RIC8B: variants seen among roughly 807,000 people sequenced by gnomAD.
RIC8B encodes the protein RIC8 guanine nucleotide exchange factor B.
In RIC8B, 16 loss-of-function variants were observed where a neutral mutation model predicts 57.5. The ratio of observed to expected loss-of-function variants is 0.28; its 90% confidence interval spans 0.19 to 0.42. The LOEUF (loss-of-function observed/expected upper bound fraction) is 0.42, where lower values mean the gene tolerates loss of function less well. Among genes scored for constraint, RIC8B ranks in the 10% least tolerant of loss-of-function variants. The pLI is 1.00. For missense variants in RIC8B, 481 were observed against 677.0 expected (o/e 0.71, Z 3.21); for synonymous variants, 216 against 250.8 (o/e 0.86, Z 1.31).
intron 2 of RIC8B, among the ~76,000 whole-genome samples, chr12:106,789,930 A>G (rs939313218): frequency 9.5e-4 from 51 of 53,666 alleles, no homozygotes; most frequent in African/African-American, 4.2e-3. Flanking sequence ...AGTGCCCTTC[A>G]AAAAAAAAAA....
intron 2 of RIC8B, among the ~76,000 whole-genome samples, chr12:106,804,941 C>T (rs1035516932): frequency 3.9e-5 from 6 of 152,064 alleles, no homozygotes; most frequent in African/African-American, 1.2e-4. Flanking sequence ...GTTGGGAAGA[C>T]GTTTTGAATC....
chr12:106,792,935 C>T (rs974534095), intron 2 of RIC8B, among the ~76,000 whole-genome samples: 1 of 152,188 alleles, frequency 6.6e-6, no homozygotes, highest in African/African-American at 2.4e-5. Context: ...GGTTCCCTTT[C>T]CCTCTAGTCC....
chr12:106,784,050 C>A lies in RIC8B; in HGVS notation c.132+6C>A. On this transcript the variant is annotated splice_donor_region_variant and intron_variant, in intron 2 of 9. Transcript: ENST00000392837. Reference sequence around the variant, plus strand: ...CAGATGAAGATAAAAGAAAGGTAAGCCTTGGTGTTGCTCTGTGAATGTTTA... The same window carrying A: ...CAGATGAAGATAAAAGAAAGGTAAGACTTGGTGTTGCTCTGTGAATGTTTA... 6.2e-7 allele frequency: 1 copy of A among 1,612,940 alleles called. No individual in the cohort carries two copies. The highest frequency in any genetic ancestry group is 8.5e-7 in the Non-Finnish European group (1 of 1,179,148).
chr12:106,879,303 G>A lies in RIC8B; in HGVS notation c.1572-6601G>A. ...CTCTTGCTTTCAGGTCAAGTAAAGT[G>A]TTTTATACACATACACGTCTGACCT... On this transcript the variant is annotated intron_variant, in intron 9 of 9. Coordinates refer to ENST00000392837, the MANE Select transcript of RIC8B (RefSeq NM_001330145.2). The surrounding 1 kb of genome is among the most constrained non-coding windows in gnomAD (Gnocchi z 4.9). 1.0e-6 allele frequency: 1 copy of A among 985,314 alleles called. No homozygotes were observed. Among genetic ancestry groups the A allele is most frequent in the Non-Finnish European group, 1.2e-6 (1 of 829,892 alleles). 61.0% of individuals were successfully genotyped at this position (985,314 alleles called of 1,614,324 possible).
rs1593183252 is a variant in RIC8B at position 106,815,216 on chromosome 12, C to G, written c.653C>G (p.Pro218Arg). 6.2e-7 allele frequency: 1 copy of G among 1,614,198 alleles called. No homozygotes were observed. The highest frequency in any genetic ancestry group is 8.5e-7 in the Non-Finnish European group (1 of 1,180,026). ...YESAIDHNGP[P>R]LSPQETDCAI... ...TCGGCCATAGACCATAATGGACCTC[C>G]TCTCTCACCTCAGGAGACAGACTGT... The change falls in exon 3 of 10, where the codon CCT becomes CGT. Residue 218 changes from proline (P) to arginine (R), a missense_variant. Pro to Arg is a moderately radical substitution (Grantham distance 103). Around this residue, in one of 3 missense-constraint regions of RIC8B, gnomAD observed 421 missense variants for 560.9 expected, o/e 0.75. Coordinates refer to ENST00000392837, the MANE Select transcript of RIC8B (RefSeq NM_001330145.2).
chr12:106,800,148 C>G (rs547019070), intron 2 of RIC8B, among the ~76,000 whole-genome samples: 49 of 152,282 alleles, frequency 3.2e-4, no homozygotes, highest in Middle Eastern at 3.4e-3. Flanking sequence ...CCTAACCCCA[C>G]TTACCTCTGT....
intron 4 of RIC8B, among the ~76,000 whole-genome samples, chr12:106,840,852 C>T (rs1269377044): frequency 6.6e-6 from 1 of 152,118 alleles, no homozygotes; most frequent in Non-Finnish European, 1.5e-5. Context: ...TTCAGAGCAT[C>T]ATACGGTCAG....
chr12:106,786,862 G>A lies in RIC8B; in HGVS notation c.132+2818G>A, dbSNP rs547879377. Among the ~76,000 whole-genome samples the A allele has an allele frequency of 4.7e-4, 71 of 152,144 alleles. 2 individuals carry two copies. In the South Asian group the frequency reaches 0.015, roughly 31 times the overall value. ...AACTCATGATAAGTATTCAGGCTAG[G>A]AAGCCAGCTGCTATTTATTTAATTT... On this transcript the variant is annotated intron_variant, in intron 2 of 9. Transcript: ENST00000392837.
chr12:106,783,412 T>G (rs2043854099), intron 1 of RIC8B, among the ~76,000 whole-genome samples: 1 of 152,222 alleles, frequency 6.6e-6, no homozygotes, highest in Non-Finnish European at 1.5e-5. Context: ...ATTGAATTAC[T>G]TTTCTGAAAT....
At chr12:106,780,238 CTGCA>C (rs2043704713) in intron 1 of RIC8B, among the ~76,000 whole-genome samples, 1 of 152,120 alleles carries the variant, frequency 6.6e-6, no homozygotes, top group Admixed American at 6.5e-5. Flanking sequence ...CTTGGTGGCC[CTGCA>C]GGCCACCTGG....
intron 2 of RIC8B, among the ~76,000 whole-genome samples, chr12:106,794,251 A>G (rs1208479454): frequency 1.3e-5 from 2 of 152,210 alleles, no homozygotes; most frequent in Non-Finnish European, 2.9e-5. Context: ...GCAATAGAGA[A>G]TATTCAAGGC....
chr12:106,814,767 A>G lies in RIC8B; in HGVS notation c.204A>G (p.Glu68=). 6.2e-7 allele frequency: 1 copy of G among 1,614,168 alleles called. No homozygotes were observed. Among genetic ancestry groups the G allele is most frequent in the East Asian group, 2.2e-5 (1 of 44,888 alleles). Residue 68 remains glutamate, a synonymous_variant, in exon 3 of 10, where the codon GAA becomes GAG. Coordinates refer to ENST00000392837, the MANE Select transcript of RIC8B (RefSeq NM_001330145.2). ...IPTTCQVSCL[E]VLRILSRDKK... Reference sequence around the variant, plus strand: ...CAACATGTCAAGTGTCCTGCCTGGAAGTACTCCGCATTCTCTCCAGAGACA... The same window carrying G: ...CAACATGTCAAGTGTCCTGCCTGGAGGTACTCCGCATTCTCTCCAGAGACA...
chr12:106,795,880 A>C (rs539458994), intron 2 of RIC8B, among the ~76,000 whole-genome samples: 2 of 152,294 alleles, frequency 1.3e-5, no homozygotes, highest in South Asian at 4.1e-4. Context: ...TCTCACTGGA[A>C]TTAGTATAAA....
chr12:106,829,037 A>C (rs1188724618), intron 4 of RIC8B, among the ~76,000 whole-genome samples: 1 of 152,246 alleles, frequency 6.6e-6, no homozygotes, highest in East Asian at 1.9e-4. Context: ...AGAGAAGTCA[A>C]GAGGACATGG....
intron 2 of RIC8B, among the ~76,000 whole-genome samples, chr12:106,789,460 A>G (rs1315657789): frequency 6.6e-6 from 1 of 152,202 alleles, no homozygotes; most frequent in Non-Finnish European, 1.5e-5. Flanking sequence ...TAATAAAGAC[A>G]TACCCGAGAC....
chr12:106,839,134 A>G (rs989056029), intron 4 of RIC8B, among the ~76,000 whole-genome samples: 3 of 152,244 alleles, frequency 2.0e-5, no homozygotes, highest in Non-Finnish European at 4.4e-5. Flanking sequence ...GATGAAAAAT[A>G]GAATTATTTG....
chr12:106,873,013 C>T, intron 9 of RIC8B: 1 of 985,200 alleles, frequency 1.0e-6, no homozygotes, highest in Non-Finnish European at 1.2e-6. Flanking sequence ...GTGCTAGGTC[C>T]TTCTCCTTTT....
At chr12:106,774,948 A>G in intron 1 of RIC8B, 119 bp downstream of exon 1, 1 of 767,428 alleles carries the variant, frequency 1.3e-6, no homozygotes, top group Non-Finnish European at 2.1e-6. Context: ...TCCCCCGAAA[A>G]CGTTTCCGGC....
intron 4 of RIC8B, among the ~76,000 whole-genome samples, chr12:106,841,783 G>A (rs1162733198): frequency 6.6e-6 from 1 of 152,136 alleles, no homozygotes; most frequent in Non-Finnish European, 1.5e-5. Flanking sequence ...ACTCATGGAA[G>A]AAAATATGTT....
Sources: gnomAD v4.1 joint callset for allele counts (sites outside exome capture counted in the v4.1 genomes callset) on GRCh38, gnomAD v4.1.1 for gene constraint, gnomAD v4.1.1 regional missense constraint, Gnocchi (gnomAD v3.1) non-coding constraint, MANE v1.5 for transcripts, NCBI Gene and HGNC (gene_info 2026-07-23, HGNC 2026-07-21) for gene names.